The following DAAM2 variants were observed in gnomAD, a reference collection of about 807,000 sequenced individuals.
DAAM2 encodes the protein disheveled-associated activator of morphogenesis 2.
DAAM2 carries 39 observed loss-of-function variants against 120.7 expected under a neutral mutation model. That is an observed-to-expected ratio of 0.32 (90% CI 0.25 to 0.42). The LOEUF is 0.42. Among genes scored for constraint, DAAM2 ranks in the 10% least tolerant of loss-of-function variants. DAAM2 has a pLI of 1.00. For synonymous variants in DAAM2, 488 were observed against 524.9 expected (o/e 0.93, Z 0.96); for missense variants, 1,283 against 1,401.7 (o/e 0.92, Z 1.35).
rs756662000 is a variant in DAAM2 at position 39,879,447 on chromosome 6, G to T, written c.1815G>T (p.Leu605=). The change falls in exon 14 of 25, where the codon CTG becomes CTT. Residue 605 remains leucine, a synonymous_variant. Transcript: ENST00000274867. The part of the protein sequence containing the change: ...KKRVPQPSHP[L]KSFNWVKLNE... Reference sequence around the variant, plus strand: ...GTGTCCCCCAGCCTTCTCACCCACTGAAGTCCTTCAACTGGGTGAAGCTGA... The same window carrying T: ...GTGTCCCCCAGCCTTCTCACCCACTTAAGTCCTTCAACTGGGTGAAGCTGA... 5.6e-6 allele frequency: 9 copies of T among 1,614,012 alleles called. No homozygotes were observed. Among genetic ancestry groups the T allele is most frequent in the Non-Finnish European group, 7.6e-6 (9 of 1,179,894 alleles).
chr6:39,806,840 CAAAA>C (rs200270782), intron 1 of DAAM2, among the ~76,000 whole-genome samples: 1 of 25,192 alleles, frequency 4.0e-5, no homozygotes, highest in East Asian at 4.3e-4. Flanking sequence ...ATCAGATTGG[CAAAA>C]AAAAAAAAAA....
chr6:39,795,800 G>T (rs1761682152), intron 1 of DAAM2, among the ~76,000 whole-genome samples: 1 of 152,170 alleles, frequency 6.6e-6, no homozygotes, highest in Non-Finnish European at 1.5e-5. Context: ...CCATTATCCT[G>T]AAGTGTGGGA....
chr6:39,837,682 A>G (rs904846498), intron 1 of DAAM2, among the ~76,000 whole-genome samples: 19 of 151,198 alleles, frequency 1.3e-4, no homozygotes, highest in South Asian at 2.1e-4. Flanking sequence ...AAAAAAAAAA[A>G]AAAAGAAAAG....
In DAAM2 at chr6:39,904,699, T is replaced by C. The variant is rs937706890; in HGVS notation, c.*2662T>C. ...AACTGGGGAACTGTGACTATCTATCTCCCCCGACTTCTACCAGGGATGCCT... is the reference window on the plus strand; with the variant it reads ...AACTGGGGAACTGTGACTATCTATCCCCCCCGACTTCTACCAGGGATGCCT... On this transcript the variant is annotated 3_prime_UTR_variant, in exon 25 of 25. Transcript: ENST00000274867. The C allele has an allele frequency of 8.8e-6, 4 of 453,502 alleles. No individual in the cohort carries two copies. The highest frequency in any genetic ancestry group is 1.8e-5 in the Non-Finnish European group (4 of 226,720). 28.1% of individuals were successfully genotyped at this position (453,502 alleles called of 1,614,324 possible).
chr6:39,878,195 C>T lies in DAAM2; in HGVS notation c.1302-8C>T. 6.2e-7 allele frequency: 1 copy of T among 1,613,852 alleles called. No individual in the cohort carries two copies. Among genetic ancestry groups the T allele is most frequent in the Non-Finnish European group, 8.5e-7 (1 of 1,179,822 alleles). Reference sequence around the variant, plus strand: ...ATCACATTGCCCCTTCCCTCTATGCCCTGCCAGGCTCATCAACGAGAATGA... The same window carrying T: ...ATCACATTGCCCCTTCCCTCTATGCTCTGCCAGGCTCATCAACGAGAATGA... On this transcript the variant is annotated splice_region_variant and splice_polypyrimidine_tract_variant and intron_variant, in intron 11 of 24. Transcript: ENST00000274867. This position sits in a 1 kb window ranked among gnomAD's most constrained non-coding sequence, Gnocchi z 5.0.
chr6:39,847,745 CT>C (rs1763652072), intron 1 of DAAM2, among the ~76,000 whole-genome samples: 1 of 152,136 alleles, frequency 6.6e-6, no homozygotes, highest in African/African-American at 2.4e-5. Context: ...GACACACAGA[CT>C]TGCCTCCCAA....
intron 1 of DAAM2, among the ~76,000 whole-genome samples, chr6:39,853,513 T>C (rs1333608271): frequency 6.6e-6 from 1 of 152,144 alleles, no homozygotes; most frequent in African/African-American, 2.4e-5. Context: ...GGGGAGATGC[T>C]CTAATATTTA....
At chr6:39,801,335 G>A (rs1310065592) in intron 1 of DAAM2, among the ~76,000 whole-genome samples, 1 of 152,046 alleles carries the variant, frequency 6.6e-6, no homozygotes, top group Non-Finnish European at 1.5e-5. Flanking sequence ...GACTTTTATT[G>A]GCAAATTTGC....
At chr6:39,806,169 C>G (rs1762004636) in intron 1 of DAAM2, among the ~76,000 whole-genome samples, 1 of 152,068 alleles carries the variant, frequency 6.6e-6, no homozygotes, top group African/African-American at 2.4e-5. Context: ...GAGGGAGATG[C>G]TCAAAGTGGA....
At position 39,867,835 on chromosome 6, in the gene DAAM2, C is replaced by A; in HGVS notation, c.754C>A (p.Arg252Ser). ...HYQVYAAERT[R>S]FQTLLNELDR... ...CCAGGTGTATGCAGCAGAGCGAACC[C>A]GCTTCCAGGTGAGGGGCCAGGCTGG... Residue 252 changes from arginine (R) to serine (S), a missense_variant, in exon 6 of 25, where the codon CGC becomes AGC. By Grantham distance (110) the Arg-to-Ser change is moderately radical. Coordinates refer to ENST00000274867, the MANE Select transcript of DAAM2 (RefSeq NM_001201427.2). 1 of 1,583,226 alleles carries A rather than the reference C, an allele frequency of 6.3e-7. No individual in the cohort carries two copies. The highest frequency in any genetic ancestry group is 8.6e-7 in the Non-Finnish European group (1 of 1,165,544).
Position 39,901,715 on chromosome 6 carries a change from C to G in DAAM2, c.2983-98C>G. 8.4e-7 allele frequency: 1 copy of G among 1,192,440 alleles called. No individual in the cohort carries two copies. The allele number at this position is 1,192,440 out of a possible 1,614,324, so 73.9% of individuals were successfully genotyped here. A position where few individuals can be genotyped will look rare whatever the true frequency, so the allele number is the denominator to read the frequency against. ...GGGGCCAACAGATACAGGCAGGCAGCATGACCATGGCCTAGGAGTTAGCCC... is the reference window on the plus strand; with the variant it reads ...GGGGCCAACAGATACAGGCAGGCAGGATGACCATGGCCTAGGAGTTAGCCC... On this transcript the variant is annotated intron_variant, in intron 24 of 24. Transcript: ENST00000274867. The surrounding 1 kb of genome is among the most constrained non-coding windows in gnomAD (Gnocchi z 4.5).
chr6:39,793,749 G>T lies in DAAM2; in HGVS notation c.-57+1284G>T, dbSNP rs117559488. ...AGTAGGGGAAAAAAGCAGCAGTGAG[G>T]CTGTATCGATCCATCATCCCTGAGT... On this transcript the variant is annotated intron_variant, in intron 1 of 24. Coordinates refer to ENST00000274867, the MANE Select transcript of DAAM2 (RefSeq NM_001201427.2). 3.1e-4 allele frequency among the ~76,000 whole-genome samples: 47 copies of T among 152,320 alleles called. No individual in the cohort carries two copies. The East Asian group carries it at 8.7e-3, about 28-fold the overall frequency.
chr6:39,870,544 C>T, intron 8 of DAAM2, 101 bp downstream of exon 8: 2 of 755,678 alleles, frequency 2.6e-6, no homozygotes, highest in East Asian at 2.7e-5. Context: ...CTCTGGAGAC[C>T]AGCTGCCATT....
At chr6:39,880,647 T>A (rs1341766241) in intron 14 of DAAM2, among the ~76,000 whole-genome samples, 1 of 137,778 alleles carries the variant, frequency 7.3e-6, no homozygotes, top group Non-Finnish European at 1.5e-5. Context: ...ACTCAACTTG[T>A]CTGTAAGTCA....
At chr6:39,818,304 C>G (rs988143924) in intron 1 of DAAM2, among the ~76,000 whole-genome samples, 2 of 151,732 alleles carry the variant, frequency 1.3e-5, no homozygotes, top group African/African-American at 4.8e-5. Flanking sequence ...GCGAATGGGC[C>G]AAAGTTAGCC....
chr6:39,828,076 C>T (rs934689029), intron 1 of DAAM2, among the ~76,000 whole-genome samples: 1 of 152,240 alleles, frequency 6.6e-6, no homozygotes, highest in East Asian at 1.9e-4. Flanking sequence ...AAGCACTGAG[C>T]ACAATGTTTG....
In DAAM2 at chr6:39,856,297, G is replaced by C; in HGVS notation, c.-6G>C. On this transcript the variant is annotated 5_prime_UTR_variant, in exon 2 of 25. Transcript: ENST00000274867. Reference sequence around the variant, plus strand: ...GTCTGCTGACGCCCCCTGGCCTGCAGTGACCATGGCCCCCCGCAAGAGGAG... The same window carrying C: ...GTCTGCTGACGCCCCCTGGCCTGCACTGACCATGGCCCCCCGCAAGAGGAG... The C allele has an allele frequency of 6.6e-7, 1 of 1,520,860 alleles. No homozygotes were observed. Among genetic ancestry groups the C allele is most frequent in the Non-Finnish European group, 8.8e-7 (1 of 1,133,734 alleles). The allele number at this position is 1,520,860 out of a possible 1,614,324, so 94.2% of individuals were successfully genotyped here. A position where few individuals can be genotyped will look rare whatever the true frequency, so the allele number is the denominator to read the frequency against.
intron 1 of DAAM2, among the ~76,000 whole-genome samples, chr6:39,808,182 G>A (rs1762063799): frequency 6.6e-6 from 1 of 151,290 alleles, no homozygotes; most frequent in African/African-American, 2.4e-5. Flanking sequence ...CAAAAATTAT[G>A]GCAAAAACCA....
At chr6:39,870,293 A>C (rs754862494) in intron 7 of DAAM2, 47 bp from the exon 8 acceptor site, 1 of 1,243,758 alleles carries the variant, frequency 8.0e-7, no homozygotes, top group Non-Finnish European at 1.2e-6. Flanking sequence ...GATGTTGTGG[A>C]AACTGAGATC....
Sources: allele counts gnomAD v4.1 joint callset (sites outside exome capture counted in the v4.1 genomes callset), GRCh38; gene constraint gnomAD v4.1.1; non-coding constraint Gnocchi (gnomAD v3.1); transcripts MANE v1.5; gene names NCBI Gene and HGNC (gene_info 2026-07-23, HGNC 2026-07-21).